ZNF362: variants seen among roughly 807,000 people sequenced by gnomAD.
ZNF362 encodes the protein rotund homolog.
ZNF362 carries 11 observed loss-of-function variants against 42.9 expected under a neutral mutation model. The ratio of observed to expected loss-of-function variants is 0.26; its 90% confidence interval spans 0.16 to 0.42. The LOEUF is 0.42. Ranked by LOEUF, ZNF362 falls within the 20% of genes least tolerant of loss-of-function variation. The pLI is 1.00. For missense variants in ZNF362, 362 were observed against 576.2 expected (o/e 0.63, Z 3.81); for synonymous variants, 255 against 257.3 (o/e 0.99, Z 0.09).
the ZNF362 span, among the ~76,000 whole-genome samples, chr1:33,234,664 C>T: frequency 6.6e-6 from 1 of 152,274 alleles, no homozygotes. Flanking sequence ...AGGTCTAGGA[C>T]CAGCACGGCA....
chr1:33,298,604 G>A (rs1646141432), intron 8 of ZNF362, among the ~76,000 whole-genome samples: 1 of 152,200 alleles, frequency 6.6e-6, no homozygotes, highest in Admixed American at 6.5e-5. Flanking sequence ...CCAGATGCAG[G>A]CACAGTGCTT....
chr1:33,281,903 C>G lies in ZNF362; in HGVS notation c.908+92C>G. The G allele has an allele frequency of 7.3e-7, 1 of 1,369,066 alleles. No homozygotes were observed. Among genetic ancestry groups the G allele is most frequent in the Non-Finnish European group, 1.0e-6 (1 of 980,954 alleles). 84.8% of individuals were successfully genotyped at this position (1,369,066 alleles called of 1,614,324 possible). ...AGCCAGTGCAAGGAGGGGCAAGGACCTTCTCCAGGTGCCCATTGCCCTCGG... is the reference window on the plus strand; with the variant it reads ...AGCCAGTGCAAGGAGGGGCAAGGACGTTCTCCAGGTGCCCATTGCCCTCGG... On this transcript the variant is annotated intron_variant, in intron 6 of 8. Coordinates refer to ENST00000539719, the MANE Select transcript of ZNF362 (RefSeq NM_152493.3). The surrounding 1 kb of genome is among the most constrained non-coding windows in gnomAD (Gnocchi z 4.8).
chr1:33,230,489 C>T, the ZNF362 span, among the ~76,000 whole-genome samples: 47 of 152,184 alleles, frequency 3.1e-4, no homozygotes, highest in Non-Finnish European at 5.3e-4. Flanking sequence ...GTCTGATGCT[C>T]CCACCATCTG....
the ZNF362 span, among the ~76,000 whole-genome samples, chr1:33,198,539 C>T: frequency 7.2e-5 from 11 of 151,988 alleles, no homozygotes; most frequent in East Asian, 3.9e-4. Context: ...TGGTGATGCA[C>T]GCCTCTAGTT....
chr1:33,254,420 C>A (rs12040669), upstream of ZNF362, among the ~76,000 whole-genome samples: 1 of 152,064 alleles, frequency 6.6e-6, no homozygotes, highest in Non-Finnish European at 1.5e-5. Flanking sequence ...TGCACCCGGC[C>A]GTGTCTTTAG....
At chr1:33,239,007 T>G in the ZNF362 span, among the ~76,000 whole-genome samples, 1 of 151,930 alleles carries the variant, frequency 6.6e-6, no homozygotes, top group African/African-American at 2.4e-5. Context: ...CCAGCAGGAG[T>G]GGTTTCCCAG....
the ZNF362 span, among the ~76,000 whole-genome samples, chr1:33,149,504 G>A: frequency 6.6e-6 from 1 of 152,090 alleles, no homozygotes; most frequent in African/African-American, 2.4e-5. Flanking sequence ...ACCCAGGCTG[G>A]AGTGCAGTAG....
intron 2 of ZNF362, among the ~76,000 whole-genome samples, chr1:33,272,421 A>T (rs968815982): frequency 1.4e-5 from 2 of 148,142 alleles, no homozygotes; most frequent in Non-Finnish European, 2.9e-5. Context: ...ACAGATTGAT[A>T]GATGGGCCAG....
the ZNF362 span, among the ~76,000 whole-genome samples, chr1:33,141,546 C>T: frequency 6.6e-6 from 1 of 152,218 alleles, no homozygotes; most frequent in Non-Finnish European, 1.5e-5. Context: ...TCACCAGGAC[C>T]TGAAGCTTTG....
the ZNF362 span, among the ~76,000 whole-genome samples, chr1:33,244,200 G>A: frequency 2.0e-5 from 3 of 151,710 alleles, no homozygotes; most frequent in Non-Finnish European, 4.4e-5. This position sits in a 1 kb window ranked among gnomAD's most constrained non-coding sequence, Gnocchi z 4.0. Flanking sequence ...AGAGGGGCAG[G>A]GCCAGGAGAT....
At position 33,276,610 on chromosome 1, in the gene ZNF362, G is replaced by A. The variant is rs1570395441; in HGVS notation, c.349+16G>A. 3.8e-6 allele frequency: 5 copies of A among 1,318,406 alleles called. No individual in the cohort carries two copies. The highest frequency in any genetic ancestry group is 3.9e-6 in the Non-Finnish European group (4 of 1,037,616). 81.7% of individuals were successfully genotyped at this position (1,318,406 alleles called of 1,614,324 possible). ...ACCGTCACAGGTAGGCCGAGCGGGC[G>A]GGGCCGGCGGGGCCGGTGAGGACTG... On this transcript the variant is annotated intron_variant, in intron 4 of 8. Transcript: ENST00000539719.
the ZNF362 span, among the ~76,000 whole-genome samples, chr1:33,180,080 G>T: frequency 6.6e-6 from 1 of 152,152 alleles, no homozygotes. Context: ...AGTTGAGTAG[G>T]AGTTTGTCAG....
chr1:33,177,772 CCAAATGT>C, the ZNF362 span, among the ~76,000 whole-genome samples: 1 of 152,098 alleles, frequency 6.6e-6, no homozygotes, highest in Non-Finnish European at 1.5e-5. This position sits in a 1 kb window ranked among gnomAD's most constrained non-coding sequence, Gnocchi z 4.1. Flanking sequence ...TTATCTAGCC[CCAAATGT>C]CAATAATGCC....
the ZNF362 span, among the ~76,000 whole-genome samples, chr1:33,214,277 A>G: frequency 0.021 from 3,223 of 152,296 alleles, 104 homozygotes; most frequent in African/African-American, 0.073. Context: ...TGGAGCTAGG[A>G]AAACAGGATC....
the ZNF362 span, among the ~76,000 whole-genome samples, chr1:33,155,298 C>A: frequency 6.6e-6 from 1 of 151,964 alleles, no homozygotes; most frequent in Non-Finnish European, 1.5e-5. Context: ...TCTCGAACTC[C>A]TGACCTCAAG....
At chr1:33,276,740 C>T (rs938080387) in intron 4 of ZNF362, 146 bp downstream of exon 4, 16 of 1,057,542 alleles carry the variant, frequency 1.5e-5, no homozygotes, top group Admixed American at 4.5e-5. Context: ...CTTGGAGTGG[C>T]GGGGTTGGCC....
chr1:33,224,073 A>C, the ZNF362 span, among the ~76,000 whole-genome samples: 3 of 152,182 alleles, frequency 2.0e-5, no homozygotes, highest in Non-Finnish European at 4.4e-5. Flanking sequence ...CACAATGTTA[A>C]AATTTAATCA....
intron 8 of ZNF362, among the ~76,000 whole-genome samples, chr1:33,297,295 T>C (rs1291172819): frequency 6.6e-6 from 1 of 152,184 alleles, no homozygotes. Flanking sequence ...CATACTCCTA[T>C]TTTTTGAAGT....
the ZNF362 span, chr1:33,159,653 G>C: frequency 1.3e-6 from 2 of 1,582,172 alleles, no homozygotes; most frequent in Admixed American, 1.7e-5. The surrounding 1 kb of genome is among the most constrained non-coding windows in gnomAD (Gnocchi z 4.2). Flanking sequence ...GGAGGGGATG[G>C]TCAGCCGGGG....
Sources: allele counts gnomAD v4.1 joint callset (sites outside exome capture counted in the v4.1 genomes callset), GRCh38; gene constraint gnomAD v4.1.1; non-coding constraint Gnocchi (gnomAD v3.1); transcripts MANE v1.5; gene names NCBI Gene and HGNC (gene_info 2026-07-23, HGNC 2026-07-21).